Variants in PTPRN2 observed in about 807,000 individuals in gnomAD.
PTPRN2 encodes protein tyrosine phosphatase receptor type N2.
Under a neutral mutation model 118.8 loss-of-function variants are expected in PTPRN2, and 74 were observed. The ratio of observed to expected loss-of-function variants is 0.62; its 90% CI spans 0.52 to 0.76. The LOEUF is 0.76. Ranked by LOEUF, PTPRN2 falls within the 30% of genes least tolerant of loss-of-function variation. The probability of loss-of-function intolerance (pLI) is 0.00; values close to 1 mark genes in which losing one functional copy is unlikely to be tolerated. For synonymous variants in PTPRN2, 641 were observed against 608.0 expected (o/e 1.05, Z -0.80); for missense variants, 1,481 against 1,394.4 (o/e 1.06, Z -0.99).
chr7:157,702,261 G>A (rs1053735926), intron 12 of PTPRN2, among the ~76,000 whole-genome samples: 10 of 150,838 alleles, frequency 6.6e-5, no homozygotes, highest in Admixed American at 2.7e-4. Context: ...TGTAACTGAC[G>A]TGGGCTGTGC....
chr7:158,056,107 C>T (rs1809767889), intron 11 of PTPRN2, among the ~76,000 whole-genome samples: 1 of 152,228 alleles, frequency 6.6e-6, no homozygotes, highest in Admixed American at 6.5e-5. Flanking sequence ...CTAATGCAGA[C>T]CTTCTCCCAC....
chr7:157,961,589 G>A (rs888829905), intron 11 of PTPRN2, among the ~76,000 whole-genome samples: 2 of 152,060 alleles, frequency 1.3e-5, no homozygotes. Context: ...TAAAAAGAGG[G>A]CAGGAAAGTG....
intron 3 of PTPRN2, among the ~76,000 whole-genome samples, chr7:158,245,812 C>T (rs142828584): frequency 0.017 from 2,536 of 152,228 alleles, 36 homozygotes; most frequent in Non-Finnish European, 0.024. Context: ...GTCGCTTGTG[C>T]GTGGCCACCA....
chr7:158,496,077 G>A (rs1466743697), intron 1 of PTPRN2, among the ~76,000 whole-genome samples: 2 of 151,848 alleles, frequency 1.3e-5, no homozygotes, highest in Non-Finnish European at 2.9e-5. Flanking sequence ...CCTCTGCTGA[G>A]AGCCTATGAC....
At chr7:158,398,051 G>A (rs940869531) in intron 2 of PTPRN2, among the ~76,000 whole-genome samples, 1 of 152,170 alleles carries the variant, frequency 6.6e-6, no homozygotes, top group African/African-American at 2.4e-5. Context: ...TTGCAGACTC[G>A]AAGATTCTGT....
chr7:157,876,118 A>T, intron 12 of PTPRN2, among the ~76,000 whole-genome samples: 1 of 152,194 alleles, frequency 6.6e-6, no homozygotes, highest in East Asian at 1.9e-4. Context: ...CTCCTTGCAA[A>T]CAATGCAGTC....
chr7:157,895,375 C>G (rs1261375224), intron 12 of PTPRN2, among the ~76,000 whole-genome samples: 3 of 151,096 alleles, frequency 2.0e-5, no homozygotes, highest in Non-Finnish European at 4.4e-5. Context: ...GCCAGAGGGT[C>G]TGAACGAGAC....
chr7:157,658,336 C>T lies in PTPRN2; in HGVS notation c.2002-1785G>A, dbSNP rs559110951. The stretch of plus-strand genomic sequence containing the variant: ...CCATGCAAGAGAAGGCAAATGGAGC[C>T]GTGCGGGAGACAGAAGGCACAGGGG... On this transcript the variant is annotated intron_variant, in intron 13 of 22. Coordinates refer to ENST00000389418, the MANE Select transcript of PTPRN2 (RefSeq NM_002847.5). Among the ~76,000 whole-genome samples the T allele has an allele frequency of 5.8e-4, 89 of 152,244 alleles. No homozygotes were observed. The South Asian group carries it at 0.017, about 29-fold the overall frequency.
rs1425189147 is a variant in PTPRN2, at chr7:158,571,323, C to A, written c.112+16235G>T. Among the ~76,000 whole-genome samples, 4 of 151,682 alleles carry A rather than the reference C, an allele frequency of 2.6e-5. No homozygotes were observed. In the South Asian group the frequency reaches 8.3e-4, roughly 31 times the overall value. On this transcript the variant is annotated intron_variant, in intron 1 of 22. Transcript: ENST00000389418. ...AAACCCCATCTCTACTTAAAAAATACAAAAATTAGCCAAGCATGGTAGTGG... is the reference window on the plus strand; with the variant it reads ...AAACCCCATCTCTACTTAAAAAATAAAAAAATTAGCCAAGCATGGTAGTGG...
chr7:157,717,298 G>A lies in PTPRN2; in HGVS notation c.1789-34361C>T, dbSNP rs117972578. 2.6e-3 allele frequency among the ~76,000 whole-genome samples: 402 copies of A among 152,378 alleles called. 10 individuals are homozygous for A. Among genetic ancestry groups the A allele is most frequent in the Admixed American group, 0.022 (339 of 15,314 alleles). On this transcript the variant is annotated intron_variant, in intron 12 of 22. Transcript: ENST00000389418. Reference sequence around the variant, plus strand: ...GCAAGAGGCATGTCGGTGACCCAGTGAGGGAACAACTGCACATCTGGGGCA... The same window carrying A: ...GCAAGAGGCATGTCGGTGACCCAGTAAGGGAACAACTGCACATCTGGGGCA...
At position 158,534,702 on chromosome 7, in the gene PTPRN2, G is replaced by A. The variant is rs372147135; in HGVS notation, c.113-44917C>T. On this transcript the variant is annotated intron_variant, in intron 1 of 22. Transcript: ENST00000389418. ...ACCCAGGCCAAAGCTAGCCTACCACGTCACACAGTGGCCATCTGCCCGGGC... is the reference window on the plus strand; with the variant it reads ...ACCCAGGCCAAAGCTAGCCTACCACATCACACAGTGGCCATCTGCCCGGGC... Among the ~76,000 whole-genome samples, 265 of 152,254 alleles carry A rather than the reference G, an allele frequency of 1.7e-3. 2 individuals are homozygous for A. The highest frequency in any genetic ancestry group is 6.1e-3 in the African/African-American group (252 of 41,550).
At chr7:157,685,102 C>T (rs534238879) in intron 12 of PTPRN2, among the ~76,000 whole-genome samples, 90 of 152,090 alleles carry the variant, frequency 5.9e-4, no homozygotes, top group African/African-American at 2.1e-3. Flanking sequence ...TCTCGCCTCC[C>T]GCGGGTCCCG....
intron 12 of PTPRN2, among the ~76,000 whole-genome samples, chr7:157,693,012 G>C (rs1048371929): frequency 9.2e-5 from 14 of 151,972 alleles, no homozygotes. Context: ...CCCCAGCCAG[G>C]CTCCAGGGCG....
chr7:158,222,026 T>A (rs1186401511), intron 3 of PTPRN2, among the ~76,000 whole-genome samples: 1 of 152,112 alleles, frequency 6.6e-6, no homozygotes, highest in Admixed American at 6.5e-5. Context: ...CAAAATGAGA[T>A]ACTATTTCAC....
intron 1 of PTPRN2, among the ~76,000 whole-genome samples, chr7:158,530,530 CAT>C (rs1825137523): frequency 6.6e-6 from 1 of 152,162 alleles, no homozygotes; most frequent in African/African-American, 2.4e-5. Flanking sequence ...GACTTAAACA[CAT>C]AGAGCAAGGC....
chr7:158,007,056 G>C (rs6974258), intron 11 of PTPRN2, among the ~76,000 whole-genome samples: 1 of 152,114 alleles, frequency 6.6e-6, no homozygotes, highest in Middle Eastern at 3.2e-3. Flanking sequence ...GCAGGCTGGC[G>C]GGCGGCCGTC....
Position 157,780,688 on chromosome 7 carries a change from G to T in PTPRN2, c.1789-97751C>A, listed in dbSNP as rs1351544889. ...TTCACCCATTTCGCAGGGTGGTCAC[G>T]GGTATTCCCTATGTTGGAATGCATG... is the stretch of plus-strand genomic sequence containing the variant. On this transcript the variant is annotated intron_variant, in intron 12 of 22. Coordinates refer to ENST00000389418, the MANE Select transcript of PTPRN2 (RefSeq NM_002847.5). The surrounding 1 kb of genome is among the most constrained non-coding windows in gnomAD (Gnocchi z 4.5). 6.6e-6 allele frequency among the ~76,000 whole-genome samples: 1 copy of T among 152,166 alleles called. No individual in the cohort carries two copies. Among genetic ancestry groups the T allele is most frequent in the African/African-American group, 2.4e-5 (1 of 41,436 alleles).
intron 3 of PTPRN2, among the ~76,000 whole-genome samples, chr7:158,216,480 TA>T (rs1827965855): frequency 1.3e-5 from 2 of 151,952 alleles, no homozygotes; most frequent in African/African-American, 4.8e-5. Context: ...TCACTTTGAA[TA>T]AAATGATATA....
chr7:157,995,819 G>A (rs914626725), intron 11 of PTPRN2, among the ~76,000 whole-genome samples: 2 of 152,234 alleles, frequency 1.3e-5, no homozygotes, highest in Non-Finnish European at 2.9e-5. Context: ...TTAAGCAAAA[G>A]TAGACTACCC....
Sources: gnomAD v4.1 joint callset for allele counts (sites outside exome capture counted in the v4.1 genomes callset) on GRCh38, gnomAD v4.1.1 for gene constraint, Gnocchi (gnomAD v3.1) non-coding constraint, MANE v1.5 for transcripts, NCBI Gene and HGNC (gene_info 2026-07-23, HGNC 2026-07-21) for gene names.